Variants in XYLT1 observed in about 807,000 individuals in gnomAD.
The protein encoded by XYLT1 is xylosyltransferase 1.
XYLT1 carries 36 observed loss-of-function variants against 91.3 expected under a neutral mutation model. That is an observed-to-expected ratio of 0.39 (90% confidence interval 0.30 to 0.52). The LOEUF (loss-of-function observed/expected upper bound fraction) is 0.52. Among genes scored for constraint, XYLT1 ranks in the 20% least tolerant of loss-of-function variants. The pLI is 0.68. For synonymous variants in XYLT1, 588 were observed against 532.0 expected (o/e 1.11, Z -1.45); for missense variants, 1,242 against 1,284.5 (o/e 0.97, Z 0.51).
rs2033690309 is a variant in XYLT1, at chr16:17,259,489, A to G, written c.412T>C (p.Phe138Leu). The change falls in exon 3 of 12, where the codon TTT becomes CTT. Residue 138 changes from phenylalanine to leucine, a missense_variant. Physicochemically the swap from Phe to Leu is conservative, Grantham distance 22. Coordinates refer to ENST00000261381, the MANE Select transcript of XYLT1 (RefSeq NM_022166.4). Reference protein sequence around the residue: ...LITLETQDGYFSHRPKEKVRT... With the variant: ...LITLETQDGYLSHRPKEKVRT... ...ACTTTCTCTTTCGGCCGATGAGAAA[A>G]GTAGCCATCCTGGAGAAGAGGGGAG... 9.3e-6 allele frequency: 15 copies of G among 1,606,892 alleles called. No individual in the cohort carries two copies. The highest frequency in any genetic ancestry group is 1.3e-5 in the Non-Finnish European group (15 of 1,177,408).
At chr16:17,388,303 C>T (rs895475564) in intron 1 of XYLT1, among the ~76,000 whole-genome samples, 4 of 152,192 alleles carry the variant, frequency 2.6e-5, no homozygotes, top group Non-Finnish European at 5.9e-5. Flanking sequence ...GCTGAAGATA[C>T]ATCGCTTTGC....
At chr16:17,366,351 G>T (rs1426013892) in intron 1 of XYLT1, among the ~76,000 whole-genome samples, 2 of 152,124 alleles carry the variant, frequency 1.3e-5, no homozygotes, top group African/African-American at 4.8e-5. Flanking sequence ...AGCTAACATT[G>T]TTCTCACACT....
intron 2 of XYLT1, among the ~76,000 whole-genome samples, chr16:17,293,948 G>A (rs2034271048): frequency 6.6e-6 from 1 of 152,170 alleles, no homozygotes. Flanking sequence ...CTGAGTACAG[G>A]CTCTGGGGTC....
intron 8 of XYLT1, among the ~76,000 whole-genome samples, chr16:17,136,851 C>T (rs1303218417): frequency 6.6e-6 from 1 of 152,044 alleles, no homozygotes; most frequent in Non-Finnish European, 1.5e-5. Flanking sequence ...CCCCAGGATG[C>T]CGGGCTAGGA....
chr16:17,211,288 G>A (rs957636627), intron 3 of XYLT1, among the ~76,000 whole-genome samples: 2 of 152,106 alleles, frequency 1.3e-5, no homozygotes, highest in Non-Finnish European at 2.9e-5. Flanking sequence ...AAAGGCAAAG[G>A]GCAGGGGGAT....
At position 17,403,993 on chromosome 16, in the gene XYLT1, G is replaced by A. The variant is rs111728354; in HGVS notation, c.364-45943C>T. On this transcript the variant is annotated intron_variant, in intron 1 of 11. Transcript: ENST00000261381. The stretch of plus-strand genomic sequence containing the variant: ...GAGACAACGAGATTCTCTCTGTGCA[G>A]TTCAGACCACAGCCACAGAGAATTA... Among the ~76,000 whole-genome samples the A allele has an allele frequency of 6.7e-3, 1,023 of 152,328 alleles. 10 individuals carry two copies. The highest frequency in any genetic ancestry group is 0.024 in the African/African-American group (983 of 41,574).
chr16:17,133,327 G>T (rs2030569129), intron 9 of XYLT1, among the ~76,000 whole-genome samples: 1 of 152,004 alleles, frequency 6.6e-6, no homozygotes, highest in Admixed American at 6.6e-5. Context: ...GTTGTTAAAT[G>T]AACAAGAAAA....
chr16:17,350,028 C>A (rs2035198824), intron 2 of XYLT1, among the ~76,000 whole-genome samples: 1 of 152,026 alleles, frequency 6.6e-6, no homozygotes, highest in South Asian at 2.1e-4. Flanking sequence ...CGCCCACCAC[C>A]ACACCCGGCT....
Position 17,308,664 on chromosome 16 carries a change from G to C in XYLT1, c.403-49166C>G, listed in dbSNP as rs539211248. The stretch of plus-strand genomic sequence containing the variant: ...CTTCTTTAGAACTTCCTTGGCATGT[G>C]AACTTGAACAATACCCTACTCTTCT... On this transcript the variant is annotated intron_variant, in intron 2 of 11. Transcript: ENST00000261381. Among the ~76,000 whole-genome samples, 3 of 152,312 alleles carry C rather than the reference G, an allele frequency of 2.0e-5. No homozygotes were observed. In the East Asian group the frequency reaches 5.8e-4, roughly 29 times the overall value.
intron 1 of XYLT1, among the ~76,000 whole-genome samples, chr16:17,437,959 A>G (rs1420770489): frequency 6.6e-6 from 1 of 152,338 alleles, no homozygotes; most frequent in South Asian, 2.1e-4. Flanking sequence ...AGGTTTGCAG[A>G]GGAACCAAAA....
chr16:17,291,508 G>A (rs753178680), intron 2 of XYLT1, among the ~76,000 whole-genome samples: 1 of 152,096 alleles, frequency 6.6e-6, no homozygotes, highest in East Asian at 1.9e-4. Context: ...ACCAATAGAG[G>A]GGTTTGGATT....
intron 3 of XYLT1, among the ~76,000 whole-genome samples, chr16:17,245,779 G>A (rs2141740625): frequency 6.6e-6 from 1 of 152,290 alleles, no homozygotes; most frequent in South Asian, 2.1e-4. Flanking sequence ...AGGATACAAT[G>A]AAAAATTATT....
At chr16:17,313,266 A>G (rs983959258) in intron 2 of XYLT1, among the ~76,000 whole-genome samples, 1 of 152,190 alleles carries the variant, frequency 6.6e-6, no homozygotes, top group South Asian at 2.1e-4. Context: ...GGAAGCAGGA[A>G]GCTGGGCTGC....
In XYLT1 at chr16:17,117,800, G is replaced by A. The variant is rs1342823329; in HGVS notation, c.2403C>T (p.Ser801=). Residue 801 remains serine (S), a synonymous_variant, in exon 11 of 12, where the codon TCC becomes TCT. Coordinates refer to ENST00000261381, the MANE Select transcript of XYLT1 (RefSeq NM_022166.4). The part of the protein sequence containing the change: ...IAATYDILIE[S]TAEFTHYKPP... ...GCTTGTAGTGTGTGAATTCGGCAGT[G>A]GACTCAATGAGGATGTCGTAGGTGG... The A allele has an allele frequency of 6.2e-7, 1 of 1,614,148 alleles. No individual in the cohort carries two copies. Among genetic ancestry groups the A allele is most frequent in the South Asian group, 1.1e-5 (1 of 91,084 alleles).
rs2036982933 is a variant in XYLT1 at position 17,470,864 on chromosome 16, C to T, written c.-68G>A. On this transcript the variant is annotated 5_prime_UTR_variant, in exon 1 of 12. Coordinates refer to ENST00000261381, the MANE Select transcript of XYLT1 (RefSeq NM_022166.4). ...CGCTCCGGGCCGCCCCCGCGCTCCC[C>T]GCAGCTCCCGCGGCCGCCGGCTGCC... 1.2e-6 allele frequency: 1 copy of T among 836,094 alleles called. No individual in the cohort carries two copies. Among genetic ancestry groups the T allele is most frequent in the Non-Finnish European group, 1.3e-6 (1 of 763,004 alleles). 51.8% of individuals were successfully genotyped at this position (836,094 alleles called of 1,614,324 possible). A position where few individuals can be genotyped will look rare whatever the true frequency, so the allele number is the denominator to read the frequency against.
chr16:17,443,566 G>A (rs553291409), intron 1 of XYLT1, among the ~76,000 whole-genome samples: 20 of 152,254 alleles, frequency 1.3e-4, no homozygotes, highest in Admixed American at 4.6e-4. Context: ...CCAGCTATGC[G>A]GAACTGTGAG....
intron 2 of XYLT1, among the ~76,000 whole-genome samples, chr16:17,272,225 G>A (rs563045632): frequency 7.7e-6 from 1 of 130,416 alleles, no homozygotes. Flanking sequence ...GCAGTGGCAC[G>A]ATCTTGGCTC....
At chr16:17,337,658 T>G (rs1271570089) in intron 2 of XYLT1, among the ~76,000 whole-genome samples, 1 of 152,104 alleles carries the variant, frequency 6.6e-6, no homozygotes, top group African/African-American at 2.4e-5. Flanking sequence ...TCACAAGAGG[T>G]TGTGGGACCA....
intron 1 of XYLT1, among the ~76,000 whole-genome samples, chr16:17,367,142 G>C (rs535701228): frequency 1.3e-5 from 2 of 152,344 alleles, no homozygotes; most frequent in African/African-American, 4.8e-5. Flanking sequence ...GCCCGGCTCA[G>C]TCCTGACAGA....
Sources: gnomAD v4.1 joint callset for allele counts (sites outside exome capture counted in the v4.1 genomes callset) on GRCh38, gnomAD v4.1.1 for gene constraint, MANE v1.5 for transcripts, NCBI Gene and HGNC (gene_info 2026-07-23, HGNC 2026-07-21) for gene names.